Variants in HEMK2 observed in about 807,000 individuals in gnomAD.
The protein encoded by HEMK2 is HemK methyltransferase 2, ETF1 glutamine and histone H4 lysine.
At chr21:28,600,470 A>C in the HEMK2 span, among the ~76,000 whole-genome samples, 1 of 152,344 alleles carries the variant, frequency 6.6e-6, no homozygotes, top group Admixed American at 6.5e-5. Flanking sequence ...TGCACACAGC[A>C]GGGGCACCCT....
At chr21:28,753,732 C>A in the HEMK2 span, among the ~76,000 whole-genome samples, 2 of 152,128 alleles carry the variant, frequency 1.3e-5, no homozygotes, top group Admixed American at 1.3e-4. Context: ...AGCACTATTT[C>A]GGAAAAAGAA....
At chr21:28,635,098 CATCT>C in the HEMK2 span, among the ~76,000 whole-genome samples, 3 of 137,248 alleles carry the variant, frequency 2.2e-5, no homozygotes, top group Admixed American at 2.4e-4. Flanking sequence ...TTAATGTCCT[CATCT>C]TTTTTTTTTT....
the HEMK2 span, chr21:28,879,878 G>T: frequency 6.4e-7 from 1 of 1,572,752 alleles, no homozygotes; most frequent in Non-Finnish European, 8.6e-7. Context: ...ACCTCTTGAG[G>T]TGGAGTCACT....
the HEMK2 span, among the ~76,000 whole-genome samples, chr21:28,764,660 C>T: frequency 0.044 from 6,688 of 152,054 alleles, 182 homozygotes; most frequent in Middle Eastern, 0.099. Flanking sequence ...CAGTATTGCC[C>T]CCTCCTAGAA....
chr21:28,843,764 G>A, the HEMK2 span, among the ~76,000 whole-genome samples: 1 of 152,096 alleles, frequency 6.6e-6, no homozygotes, highest in Non-Finnish European at 1.5e-5. Context: ...TACTATTCAT[G>A]GTTGGGAAAT....
the HEMK2 span, among the ~76,000 whole-genome samples, chr21:28,683,200 T>C: frequency 6.6e-6 from 1 of 152,068 alleles, no homozygotes; most frequent in Non-Finnish European, 1.5e-5. Context: ...TAAGCCACTT[T>C]ACACAATAAA....
the HEMK2 span, among the ~76,000 whole-genome samples, chr21:28,841,604 G>T: frequency 6.7e-6 from 1 of 148,152 alleles, no homozygotes; most frequent in African/African-American, 2.5e-5. Context: ...ACTGATATGT[G>T]GGAGCTAAGC....
At chr21:28,850,894 G>C in the HEMK2 span, among the ~76,000 whole-genome samples, 1 of 152,190 alleles carries the variant, frequency 6.6e-6, no homozygotes, top group Non-Finnish European at 1.5e-5. Context: ...CTGGGGAAGA[G>C]AAGGGGAGAG....
At chr21:28,856,785 C>G in the HEMK2 span, among the ~76,000 whole-genome samples, 2 of 152,232 alleles carry the variant, frequency 1.3e-5, no homozygotes, top group Non-Finnish European at 2.9e-5. Flanking sequence ...TCTATGCAAC[C>G]TGCGTATCAG....
the HEMK2 span, among the ~76,000 whole-genome samples, chr21:28,706,838 A>G: frequency 6.6e-6 from 1 of 152,120 alleles, no homozygotes; most frequent in East Asian, 1.9e-4. Context: ...CTGCTACTGT[A>G]TTTCCTTATT....
chr21:28,786,192 C>G, the HEMK2 span, among the ~76,000 whole-genome samples: 10 of 152,280 alleles, frequency 6.6e-5, no homozygotes, highest in South Asian at 8.3e-4. Context: ...CAAATCACAC[C>G]GCCATGTTTC....
At chr21:28,803,334 T>C in the HEMK2 span, among the ~76,000 whole-genome samples, 176 of 152,282 alleles carry the variant, frequency 1.2e-3, 1 homozygote, top group African/African-American at 3.5e-3. Flanking sequence ...GATCACAAAT[T>C]TGTGATCATG....
At chr21:28,576,358 G>A in the HEMK2 span, among the ~76,000 whole-genome samples, 2 of 152,014 alleles carry the variant, frequency 1.3e-5, no homozygotes, top group African/African-American at 2.4e-5. Flanking sequence ...ACCTTTCCAT[G>A]AGTTTATTGG....
At chr21:28,764,347 A>C in the HEMK2 span, among the ~76,000 whole-genome samples, 1 of 152,114 alleles carries the variant, frequency 6.6e-6, no homozygotes, top group Non-Finnish European at 1.5e-5. Flanking sequence ...AAAAATTTTA[A>C]AGTGAGGCAG....
the HEMK2 span, among the ~76,000 whole-genome samples, chr21:28,601,562 TG>T: frequency 6.6e-6 from 1 of 151,756 alleles, no homozygotes. Context: ...TCTCCTCCCT[TG>T]GTTTTAGTTT....
chr21:28,824,515 CTGTAA>C, the HEMK2 span, among the ~76,000 whole-genome samples: 1 of 152,134 alleles, frequency 6.6e-6, no homozygotes, highest in African/African-American at 2.4e-5. Flanking sequence ...AATTCATCTA[CTGTAA>C]TGTAATTAGA....
the HEMK2 span, among the ~76,000 whole-genome samples, chr21:28,750,636 G>A: frequency 3.4e-5 from 5 of 147,944 alleles, no homozygotes; most frequent in South Asian, 1.1e-3. Context: ...AGGAGGTAGA[G>A]GTTGCAGTGA....
chr21:28,648,021 T>C, the HEMK2 span, among the ~76,000 whole-genome samples: 2 of 152,228 alleles, frequency 1.3e-5, no homozygotes, highest in Admixed American at 1.3e-4. Context: ...TACCAGATTA[T>C]AATGCAAATC....
the HEMK2 span, among the ~76,000 whole-genome samples, chr21:28,762,176 T>C: frequency 6.6e-6 from 1 of 152,118 alleles, no homozygotes; most frequent in Non-Finnish European, 1.5e-5. Flanking sequence ...TGTTGACTCC[T>C]GGAGATGCTG....
Sources: allele counts gnomAD v4.1 joint callset (sites outside exome capture counted in the v4.1 genomes callset), GRCh38; gene constraint gnomAD v4.1.1; transcripts MANE v1.5; gene names NCBI Gene and HGNC (gene_info 2026-07-23, HGNC 2026-07-21).